Variants in C3orf20 observed in about 807,000 individuals in gnomAD.
C3orf20 encodes uncharacterized protein C3orf20.
In C3orf20, 76 loss-of-function variants were observed where a neutral mutation model predicts 88.3. The observed-to-expected ratio is 0.86, with a 90% CI of 0.72 to 1.04. C3orf20 has a LOEUF of 1.04. Among genes scored for constraint, C3orf20 ranks in the 50% least tolerant of loss-of-function variants. The pLI, the probability that C3orf20 is intolerant of heterozygous loss-of-function variation, is 0.00. For missense variants in C3orf20, 1,056 were observed against 1,123.3 expected, an observed-to-expected ratio of 0.94 and a Z score of 0.86; for synonymous variants, 436 against 437.4, an observed-to-expected ratio of 1.00 and a Z score of 0.04.
At position 14,720,273 on chromosome 3, in the gene C3orf20, G is replaced by A. The variant is rs559668864; in HGVS notation, c.1435-1380G>A. 3.9e-4 allele frequency among the ~76,000 whole-genome samples: 59 copies of A among 152,198 alleles called. 1 individual carries two copies. The highest frequency in any genetic ancestry group is 1.3e-3 in the African/African-American group (53 of 41,514). On this transcript the variant is annotated intron_variant, in intron 9 of 16. Coordinates refer to ENST00000253697, the MANE Select transcript of C3orf20 (RefSeq NM_032137.5). ...TCTCGATCTCCTGACCTCGTGATCC[G>A]CCCACCTTGGCCTCCCAAAATGCTG...
chr3:14,704,278 G>C, intron 6 of C3orf20, 59 bp from the exon 7 acceptor site: 6 of 1,567,816 alleles, frequency 3.8e-6, no homozygotes, highest in Non-Finnish European at 4.4e-6. Context: ...GCTGTAGAGA[G>C]CATCCCTGGT....
At chr3:14,770,688 C>T (rs2035837677) in intron 15 of C3orf20, among the ~76,000 whole-genome samples, 1 of 152,182 alleles carries the variant, frequency 6.6e-6, no homozygotes, top group Non-Finnish European at 1.5e-5. Flanking sequence ...GTAAACTCCT[C>T]AGGGCCGGAC....
intron 5 of C3orf20, among the ~76,000 whole-genome samples, chr3:14,697,710 C>CA (rs1301682470): frequency 0.038 from 2 of 52 alleles, no homozygotes; most frequent in East Asian, 0.33. Flanking sequence ...CAGCCCCCAA[C>CA]CCCCCTGCTG....
At chr3:14,735,257 G>A (rs922294455) in intron 12 of C3orf20, among the ~76,000 whole-genome samples, 3 of 151,222 alleles carry the variant, frequency 2.0e-5, no homozygotes, top group Non-Finnish European at 3.0e-5. Context: ...CCACCTTACT[G>A]TTTGTTTGCT....
At chr3:14,752,991 T>C (rs2035263084) in intron 12 of C3orf20, among the ~76,000 whole-genome samples, 1 of 152,210 alleles carries the variant, frequency 6.6e-6, no homozygotes, top group Non-Finnish European at 1.5e-5. Flanking sequence ...TTACTGGGTA[T>C]ATACCCAAAG....
chr3:14,728,680 C>A lies in C3orf20; in HGVS notation c.1932C>A (p.Val644=). ...CCAAAATCCACACCAAAGCCAAGGT[C>A]ACATCCAGGTTGGCTTGGTCCTTCA... ...KTTKIHTKAK[V]TSRGKAREGR... Residue 644 remains valine, a synonymous_variant, in exon 12 of 17, where the codon GTC becomes GTA. Transcript: ENST00000253697. 6.2e-7 allele frequency: 1 copy of A among 1,613,436 alleles called. No individual in the cohort carries two copies. The highest frequency in any genetic ancestry group is 1.1e-5 in the South Asian group (1 of 91,032).
At chr3:14,707,275 C>T (rs1045545724) in intron 7 of C3orf20, among the ~76,000 whole-genome samples, 2 of 148,992 alleles carry the variant, frequency 1.3e-5, no homozygotes, top group African/African-American at 5.0e-5. Flanking sequence ...AAAGATACGT[C>T]TGCACTGGGA....
chr3:14,729,790 C>T (rs964298990), intron 12 of C3orf20, among the ~76,000 whole-genome samples: 1 of 152,342 alleles, frequency 6.6e-6, no homozygotes, highest in Admixed American at 6.5e-5. Context: ...ATGTGATCCA[C>T]CCGCCTGGGC....
intron 15 of C3orf20, among the ~76,000 whole-genome samples, chr3:14,763,814 C>T (rs1559448882): frequency 6.6e-6 from 1 of 152,036 alleles, no homozygotes; most frequent in African/African-American, 2.4e-5. Flanking sequence ...ACATAGCTCA[C>T]GTTTACTGAG....
rs2032277994 is a variant in C3orf20 at position 14,684,273 on chromosome 3, C to T, written c.516C>T (p.Arg172=). The T allele has an allele frequency of 6.2e-7, 1 of 1,614,152 alleles. No homozygotes were observed. Residue 172 remains arginine (R), a synonymous_variant, in exon 4 of 17, where the codon CGC becomes CGT. Transcript: ENST00000253697. ...CCAACCCCTTGGACATCACCAGGCG[C>T]TTTGTGGAGGCCAGCCAGCTCCTCC... ...VGANPLDITR[R]FVEASQLLHL... is the part of the protein sequence containing the mutation.
intron 15 of C3orf20, among the ~76,000 whole-genome samples, chr3:14,764,004 A>G (rs1204360323): frequency 6.6e-6 from 1 of 152,214 alleles, no homozygotes; most frequent in Non-Finnish European, 1.5e-5. Context: ...CACACAAACC[A>G]GATACACACA....
intron 4 of C3orf20, among the ~76,000 whole-genome samples, chr3:14,689,321 T>C (rs1249949875): frequency 6.6e-6 from 1 of 152,196 alleles, no homozygotes; most frequent in African/African-American, 2.4e-5. Context: ...TTTGTCCACT[T>C]AGGAGGTCAA....
rs78933033 is a variant in C3orf20, at chr3:14,760,248, C to T, written c.2352+250C>T. 3.8e-4 allele frequency among the ~76,000 whole-genome samples: 58 copies of T among 152,346 alleles called. No homozygotes were observed. In the East Asian group the frequency reaches 8.5e-3, roughly 22 times the overall value. ...CCCAGGAGACTGCAGGGACAGGTGA[C>T]ATTCAACCTAGCAAATCAAATTCCC... On this transcript the variant is annotated intron_variant, in intron 14 of 16. Transcript: ENST00000253697.
At position 14,772,170 on chromosome 3, in the gene C3orf20, G is replaced by C; in HGVS notation, c.2599G>C (p.Val867Leu). ...CTCCTCATTGGCCCTGGAAGACTAT[G>C]TGGAGAAGGAGTTATCTCTGGAGGC... is the stretch of plus-strand genomic sequence containing the variant. ...SSSSLALEDY[V>L]EKELSLEAEK... The change falls in exon 16 of 17, where the codon GTG becomes CTG. Residue 867 changes from valine to leucine, a missense_variant. By Grantham distance (32) the Val-to-Leu change is conservative. Transcript: ENST00000253697. This position sits in a 1 kb window ranked among gnomAD's most constrained non-coding sequence, Gnocchi z 4.2. 6.2e-7 allele frequency: 1 copy of C among 1,614,286 alleles called. No homozygotes were observed.
intron 9 of C3orf20, among the ~76,000 whole-genome samples, chr3:14,716,884 T>C (rs2033962476): frequency 6.6e-6 from 1 of 152,236 alleles, no homozygotes; most frequent in African/African-American, 2.4e-5. Context: ...TGGATTTCTG[T>C]GGTTTTCACA....
intron 12 of C3orf20, among the ~76,000 whole-genome samples, chr3:14,739,027 G>A (rs1412828961): frequency 6.6e-6 from 1 of 151,836 alleles, no homozygotes; most frequent in Non-Finnish European, 1.5e-5. Flanking sequence ...CTGACCTCAG[G>A]TGATCCACCT....
intron 9 of C3orf20, among the ~76,000 whole-genome samples, chr3:14,718,664 G>C (rs1032163299): frequency 1.3e-5 from 2 of 152,290 alleles, no homozygotes; most frequent in Middle Eastern, 3.4e-3. Flanking sequence ...TCTGAATTCT[G>C]GTGTATTTCT....
chr3:14,717,625 G>A (rs2033988294), intron 9 of C3orf20, among the ~76,000 whole-genome samples: 1 of 152,142 alleles, frequency 6.6e-6, no homozygotes, highest in African/African-American at 2.4e-5. Flanking sequence ...GGCTGCAGGG[G>A]CCAATTTGTT....
chr3:14,744,295 A>G (rs775286140), intron 12 of C3orf20, among the ~76,000 whole-genome samples: 1 of 151,994 alleles, frequency 6.6e-6, no homozygotes, highest in Non-Finnish European at 1.5e-5. Context: ...TTGCTAAAAC[A>G]TAACAAGAGT....
Sources: gnomAD v4.1 joint callset for allele counts (sites outside exome capture counted in the v4.1 genomes callset) on GRCh38, gnomAD v4.1.1 for gene constraint, Gnocchi (gnomAD v3.1) non-coding constraint, MANE v1.5 for transcripts, NCBI Gene and HGNC (gene_info 2026-07-23, HGNC 2026-07-21) for gene names.